AKAP19: variants seen among roughly 807,000 people sequenced by gnomAD.
The protein encoded by AKAP19 is small A-kinase anchoring protein.
the AKAP19 span, among the ~76,000 whole-genome samples, chr2:190,059,251 G>A: frequency 0.01 from 1,529 of 151,852 alleles, 19 homozygotes; most frequent in African/African-American, 0.035. Context: ...CAGAAATTTA[G>A]GTAAGCCAGA....
the AKAP19 span, among the ~76,000 whole-genome samples, chr2:190,010,003 A>T: frequency 6.6e-6 from 1 of 152,262 alleles, no homozygotes; most frequent in Non-Finnish European, 1.5e-5. Flanking sequence ...GAGCAAGGAT[A>T]GCTGGTGCAG....
At chr2:190,120,604 T>A in the AKAP19 span, among the ~76,000 whole-genome samples, 1 of 152,230 alleles carries the variant, frequency 6.6e-6, no homozygotes, top group African/African-American at 2.4e-5. Flanking sequence ...AAGAAATAAC[T>A]CACTTTAATT....
At chr2:189,967,550 A>G in the AKAP19 span, among the ~76,000 whole-genome samples, 3 of 152,234 alleles carry the variant, frequency 2.0e-5, no homozygotes, top group African/African-American at 7.2e-5. Context: ...AAATAAAACT[A>G]TCGGACTAAA....
At chr2:189,885,137 C>T in the AKAP19 span, among the ~76,000 whole-genome samples, 3 of 152,254 alleles carry the variant, frequency 2.0e-5, no homozygotes, top group Non-Finnish European at 2.9e-5. Context: ...GGCATACCCC[C>T]CATGAAGAGG....
the AKAP19 span, among the ~76,000 whole-genome samples, chr2:189,982,340 A>G: frequency 6.6e-6 from 1 of 152,128 alleles, no homozygotes; most frequent in African/African-American, 2.4e-5. Flanking sequence ...GAATTTTTCA[A>G]TTCCAGAAGT....
At chr2:189,923,658 C>G in the AKAP19 span, 1 of 1,614,002 alleles carries the variant, frequency 6.2e-7, no homozygotes, top group African/African-American at 1.3e-5. Flanking sequence ...TACGGCTCCT[C>G]TTTTGACTTG....
the AKAP19 span, among the ~76,000 whole-genome samples, chr2:189,884,591 G>A: frequency 1.3e-5 from 2 of 152,220 alleles, no homozygotes; most frequent in Non-Finnish European, 1.5e-5. Context: ...CTTTATTGAA[G>A]CAATTCAGTT....
At chr2:190,095,511 A>G in the AKAP19 span, 6 of 152,248 alleles carry the variant, frequency 3.9e-5, no homozygotes, top group Admixed American at 6.5e-5. Flanking sequence ...TGTGAACACA[A>G]TGAGAAGACA....
At chr2:190,057,337 A>T in the AKAP19 span, 1 of 1,613,384 alleles carries the variant, frequency 6.2e-7, no homozygotes, top group Non-Finnish European at 8.5e-7. Context: ...AAAATATAGC[A>T]TATTAATTGG....
At chr2:189,982,056 CA>C in the AKAP19 span, among the ~76,000 whole-genome samples, 2 of 152,074 alleles carry the variant, frequency 1.3e-5, no homozygotes, top group Non-Finnish European at 2.9e-5. Context: ...ACTGTCTACC[CA>C]AGATTAGGGA....
the AKAP19 span, among the ~76,000 whole-genome samples, chr2:189,973,564 A>C: frequency 6.6e-6 from 1 of 152,156 alleles, no homozygotes; most frequent in African/African-American, 2.4e-5. Flanking sequence ...GAGTGGTACC[A>C]GTTCCTCCTT....
At chr2:189,882,822 T>C in the AKAP19 span, among the ~76,000 whole-genome samples, 1 of 152,130 alleles carries the variant, frequency 6.6e-6, no homozygotes, top group South Asian at 2.1e-4. Context: ...TAAAAATCTT[T>C]GTAGCCATCT....
At chr2:190,101,939 C>T in the AKAP19 span, among the ~76,000 whole-genome samples, 1 of 152,140 alleles carries the variant, frequency 6.6e-6, no homozygotes, top group Non-Finnish European at 1.5e-5. Flanking sequence ...AGGTTGACCA[C>T]ATGCTCTGCC....
the AKAP19 span, among the ~76,000 whole-genome samples, chr2:189,916,803 C>T: frequency 6.6e-6 from 1 of 152,078 alleles, no homozygotes; most frequent in Middle Eastern, 3.2e-3. Context: ...TTCTTTTTTA[C>T]TCCTGGGTAG....
the AKAP19 span, among the ~76,000 whole-genome samples, chr2:190,180,049 G>A: frequency 6.6e-6 from 1 of 152,220 alleles, no homozygotes; most frequent in African/African-American, 2.4e-5. The surrounding 1 kb of genome is among the most constrained non-coding windows in gnomAD (Gnocchi z 6.8). Flanking sequence ...GAGATACTTT[G>A]TTTGAAAGAG....
chr2:190,074,039 C>G, the AKAP19 span, among the ~76,000 whole-genome samples: 1 of 139,576 alleles, frequency 7.2e-6, no homozygotes, highest in African/African-American at 3.0e-5. Flanking sequence ...GAGATTCCGT[C>G]TCAGAAAAAA....
the AKAP19 span, among the ~76,000 whole-genome samples, chr2:190,085,340 G>A: frequency 6.6e-6 from 1 of 152,104 alleles, no homozygotes; most frequent in Non-Finnish European, 1.5e-5. Context: ...AACATTTTGG[G>A]TTCAATAGGC....
the AKAP19 span, among the ~76,000 whole-genome samples, chr2:190,095,200 C>T: frequency 1.1e-4 from 17 of 151,940 alleles, no homozygotes; most frequent in East Asian, 1.9e-4. Flanking sequence ...CTAGTCTGGG[C>T]GACAGAGCAA....
chr2:189,904,071 ATTTAC>A, the AKAP19 span, among the ~76,000 whole-genome samples: 15,717 of 151,976 alleles, frequency 0.1, 1,146 homozygotes, highest in East Asian at 0.2. Flanking sequence ...ATTATTCAAA[ATTTAC>A]TTTCTTTGAT....
Sources: allele counts gnomAD v4.1 joint callset (sites outside exome capture counted in the v4.1 genomes callset), GRCh38; gene constraint gnomAD v4.1.1; non-coding constraint Gnocchi (gnomAD v3.1); transcripts MANE v1.5; gene names NCBI Gene and HGNC (gene_info 2026-07-23, HGNC 2026-07-21).